CSPP1: variants seen among roughly 807,000 people sequenced by gnomAD.
The protein encoded by CSPP1 is centrosome and spindle pole associated protein 1.
In CSPP1, 126 loss-of-function variants were observed where a neutral mutation model predicts 164.4. That is an observed-to-expected ratio of 0.77 (90% CI 0.66 to 0.89). The LOEUF (loss-of-function observed/expected upper bound fraction) is 0.89, where lower values mean the gene tolerates loss of function less well. Ranked by LOEUF, CSPP1 falls within the 40% of genes least tolerant of loss-of-function variation. The pLI is 0.00. For missense variants in CSPP1, 1,395 were observed against 1,449.8 expected (o/e 0.96, Z 0.61); for synonymous variants, 472 against 476.7 (o/e 0.99, Z 0.13).
At chr8:67,102,144 C>T (rs896333830) in intron 7 of CSPP1, among the ~76,000 whole-genome samples, 8 of 152,266 alleles carry the variant, frequency 5.3e-5, no homozygotes, top group Admixed American at 3.3e-4. Context: ...TTTATGACCT[C>T]GTAAGTAAAG....
chr8:67,067,698 C>A (rs908121273), intron 1 of CSPP1, among the ~76,000 whole-genome samples: 1 of 151,426 alleles, frequency 6.6e-6, no homozygotes, highest in Non-Finnish European at 1.5e-5. Flanking sequence ...CTCCTGACCT[C>A]GTGATCCGCC....
intron 17 of CSPP1, among the ~76,000 whole-genome samples, chr8:67,144,940 T>C (rs999375957): frequency 1.3e-4 from 19 of 150,596 alleles, no homozygotes; most frequent in African/African-American, 4.2e-4. Context: ...TGTGTGGTGG[T>C]GTGCTCCTGT....
At chr8:67,174,448 G>C (rs1212726316) in intron 25 of CSPP1, 1 of 152,096 alleles carries the variant, frequency 6.6e-6, no homozygotes, top group Non-Finnish European at 1.5e-5. Flanking sequence ...TGAACTGTAT[G>C]TTTCTTCTCA....
chr8:67,088,445 G>A lies in CSPP1; in HGVS notation c.303+2335G>A, dbSNP rs1470893235. 2.6e-5 allele frequency among the ~76,000 whole-genome samples: 4 copies of A among 151,512 alleles called. No homozygotes were observed. In the East Asian group the frequency reaches 7.9e-4, roughly 30 times the overall value. On this transcript the variant is annotated intron_variant, in intron 4 of 30. Coordinates refer to ENST00000678616, the MANE Select transcript of CSPP1 (RefSeq NM_001382391.1). ...TGGAACTACAGGCGTCCACCACCAT[G>A]CCTGGCTAATTTTTTTGTACTTTTA...
At chr8:67,137,118 A>T (rs1046990697) in intron 16 of CSPP1, among the ~76,000 whole-genome samples, 2 of 151,958 alleles carry the variant, frequency 1.3e-5, no homozygotes, top group African/African-American at 4.8e-5. Flanking sequence ...AGTAGCTGGG[A>T]TTACACATGT....
chr8:67,165,975 C>T (rs561177311), intron 24 of CSPP1, among the ~76,000 whole-genome samples: 6 of 152,194 alleles, frequency 3.9e-5, no homozygotes, highest in East Asian at 3.9e-4. Flanking sequence ...TTTATTCAAT[C>T]GTTTATTTAT....
chr8:67,148,600 T>A (rs760762449), intron 17 of CSPP1, among the ~76,000 whole-genome samples: 74 of 152,338 alleles, frequency 4.9e-4, no homozygotes, highest in Middle Eastern at 3.4e-3. Context: ...TTTGTAGCAT[T>A]TATGTATTAC....
At chr8:67,083,548 A>AAAAAAAAATATATATATAT (rs1332248754) in intron 3 of CSPP1, 9 of 91,476 alleles carry the variant, frequency 9.8e-5, no homozygotes, top group African/African-American at 4.0e-4. Context: ...AAAAAAAAAA[A>AAAAAAAAATATATATATAT]ATATATATAT....
At chr8:67,105,298 T>TA (rs1251640413) in intron 8 of CSPP1, among the ~76,000 whole-genome samples, 9 of 152,132 alleles carry the variant, frequency 5.9e-5, no homozygotes, top group Non-Finnish European at 1.2e-4. Context: ...GGTGCTGTAA[T>TA]ACAGGTGTTA....
intron 10 of CSPP1, among the ~76,000 whole-genome samples, chr8:67,112,620 T>G (rs1167154856): frequency 6.6e-6 from 1 of 152,156 alleles, no homozygotes; most frequent in Admixed American, 6.5e-5. Flanking sequence ...CTTCTTTCTA[T>G]TCTCAGAGCC....
intron 28 of CSPP1, among the ~76,000 whole-genome samples, chr8:67,186,013 A>G (rs1189586662): frequency 6.6e-6 from 1 of 152,262 alleles, no homozygotes; most frequent in Non-Finnish European, 1.5e-5. Context: ...TTCCCAAAGT[A>G]GAAGCCAAGT....
At chr8:67,094,925 C>T (rs1403350132) in intron 6 of CSPP1, among the ~76,000 whole-genome samples, 1 of 152,146 alleles carries the variant, frequency 6.6e-6, no homozygotes, top group African/African-American at 2.4e-5. Flanking sequence ...ATGGATCATA[C>T]AGGATATACT....
chr8:67,136,581 A>T lies in CSPP1; in HGVS notation c.1828-875A>T. On this transcript the variant is annotated intron_variant, in intron 16 of 30. Transcript: ENST00000678616. ...GAGACTCCGTCTCAAAAAAAAAAAA[A>T]AAAAAAAAAAAAAATGCAATGTCCG... Among the ~76,000 whole-genome samples the T allele has an allele frequency of 2.0e-5, 3 of 151,626 alleles. No homozygotes were observed. The East Asian group carries it at 5.9e-4, about 30-fold the overall frequency.
intron 10 of CSPP1, 63 bp downstream of exon 10, chr8:67,112,128 C>A: frequency 9.0e-7 from 1 of 1,114,586 alleles, no homozygotes; most frequent in Non-Finnish European, 1.3e-6. Flanking sequence ...TGTAAAATGA[C>A]ATGGTTAAAT....
Position 67,190,756 on chromosome 8 carries a change from C to T in CSPP1, c.3327C>T (p.Asp1109=). The T allele has an allele frequency of 6.2e-7, 1 of 1,601,218 alleles. No individual in the cohort carries two copies. The highest frequency in any genetic ancestry group is 1.1e-5 in the South Asian group (1 of 90,826). The change falls in exon 29 of 31, where the codon GAC becomes GAT. Residue 1109 remains aspartate, a synonymous_variant. Transcript: ENST00000678616. ...GGAGGAACAAATGGAAAGGACTAGA[C>T]ATTGTATGTATGAGACTTTTCTCCC... ...ERRRNKWKGL[D]IDSSRPNVAP...
chr8:67,086,884 CTTTCT>C, intron 4 of CSPP1: 2 of 1,144,078 alleles, frequency 1.7e-6, no homozygotes, highest in Non-Finnish European at 1.1e-6. Context: ...TCAGTTTTTT[CTTTCT>C]TTTTTTTTTT....
intron 17 of CSPP1, among the ~76,000 whole-genome samples, chr8:67,149,218 G>A (rs886618001): frequency 6.6e-6 from 1 of 152,144 alleles, no homozygotes; most frequent in East Asian, 1.9e-4. Flanking sequence ...GATAAGCAAG[G>A]TGGAAATAAT....
chr8:67,116,603 A>G (rs1318451084), intron 13 of CSPP1, among the ~76,000 whole-genome samples: 1 of 152,180 alleles, frequency 6.6e-6, no homozygotes, highest in Non-Finnish European at 1.5e-5. Flanking sequence ...TACCTGAAAT[A>G]AAAAGTGTTG....
chr8:67,194,241 A>G (rs556123196), intron 30 of CSPP1, among the ~76,000 whole-genome samples: 1 of 152,332 alleles, frequency 6.6e-6, no homozygotes, highest in Admixed American at 6.5e-5. Context: ...GGTAATAATA[A>G]TAGTTTTAGC....
Sources: gnomAD v4.1 joint callset for allele counts (sites outside exome capture counted in the v4.1 genomes callset) on GRCh38, gnomAD v4.1.1 for gene constraint, MANE v1.5 for transcripts, NCBI Gene and HGNC (gene_info 2026-07-23, HGNC 2026-07-21) for gene names.